CFAP54: variants seen among roughly 807,000 people sequenced by gnomAD.
The protein encoded by CFAP54 is cilia- and flagella-associated protein 54.
In CFAP54, 290 loss-of-function variants were observed where a neutral mutation model predicts 370.4. The observed-to-expected ratio is 0.78, with a 90% confidence interval of 0.71 to 0.86. The LOEUF (loss-of-function observed/expected upper bound fraction) is 0.86, where lower values mean the gene tolerates loss of function less well. Among genes scored for constraint, CFAP54 ranks in the 40% least tolerant of loss-of-function variants. The pLI is 0.00. For synonymous variants in CFAP54, 1,206 were observed against 1,236.5 expected (o/e 0.98, Z 0.52); for missense variants, 3,399 against 3,528.7 (o/e 0.96, Z 0.93).
At chr12:96,871,479 G>A (rs1347168856) in intron 67 of CFAP54, among the ~76,000 whole-genome samples, 1 of 152,128 alleles carries the variant, frequency 6.6e-6, no homozygotes. Flanking sequence ...ACTCAACGAC[G>A]TTGCCCACAA....
intron 46 of CFAP54, among the ~76,000 whole-genome samples, chr12:96,704,215 C>A (rs1957520966): frequency 6.6e-6 from 1 of 151,756 alleles, no homozygotes; most frequent in African/African-American, 2.4e-5. Context: ...ATCACGAGGT[C>A]AGGATATCAA....
chr12:96,705,967 C>A (rs1340025931), intron 47 of CFAP54, among the ~76,000 whole-genome samples: 1 of 151,746 alleles, frequency 6.6e-6, no homozygotes, highest in Non-Finnish European at 1.5e-5. Flanking sequence ...TTACGTAAGG[C>A]AAATAGTTTC....
At chr12:96,638,785 C>T (rs542048077) in intron 32 of CFAP54, among the ~76,000 whole-genome samples, 7 of 152,156 alleles carry the variant, frequency 4.6e-5, no homozygotes, top group African/African-American at 1.7e-4. Context: ...CCTTTTTCTT[C>T]CTTATTGTTC....
At chr12:96,518,053 G>A (rs188373625) in intron 5 of CFAP54, among the ~76,000 whole-genome samples, 66 of 152,248 alleles carry the variant, frequency 4.3e-4, no homozygotes, top group African/African-American at 1.5e-3. Flanking sequence ...TGTCATGTAC[G>A]TTGTCACTTT....
chr12:96,745,583 C>G lies in CFAP54; in HGVS notation c.7684+1437C>G, dbSNP rs55926231. 2.4e-3 allele frequency among the ~76,000 whole-genome samples: 364 copies of G among 151,842 alleles called. 2 individuals are homozygous for G. The highest frequency in any genetic ancestry group is 8.6e-3 in the African/African-American group (356 of 41,354). On this transcript the variant is annotated intron_variant, in intron 55 of 67. Coordinates refer to ENST00000524981, the MANE Select transcript of CFAP54 (RefSeq NM_001306084.2). ...TATACTCTGAATATTAGACCTTTGTCAGATGGGTAGATTGCAAAGATTTTC... is the reference window on the plus strand; with the variant it reads ...TATACTCTGAATATTAGACCTTTGTGAGATGGGTAGATTGCAAAGATTTTC...
At chr12:96,760,578 A>C (rs528917455) in intron 58 of CFAP54, among the ~76,000 whole-genome samples, 1 of 152,274 alleles carries the variant, frequency 6.6e-6, no homozygotes, top group Non-Finnish European at 1.5e-5. Context: ...TGATGCCTAG[A>C]CTGGAGTGCA....
chr12:96,623,564 C>T (rs544943435), intron 27 of CFAP54, among the ~76,000 whole-genome samples: 5 of 152,128 alleles, frequency 3.3e-5, no homozygotes, highest in African/African-American at 4.8e-5. Context: ...GGTCAATCTC[C>T]GTGAAACACA....
intron 60 of CFAP54, among the ~76,000 whole-genome samples, chr12:96,771,029 T>C (rs1189134783): frequency 3.3e-5 from 5 of 152,228 alleles, no homozygotes; most frequent in Non-Finnish European, 7.3e-5. Flanking sequence ...GGGTAAATAG[T>C]ACAAAAATTG....
Position 96,550,744 on chromosome 12 carries a change from T to C in CFAP54, c.2154+2766T>C, listed in dbSNP as rs541356508. Among the ~76,000 whole-genome samples the C allele has an allele frequency of 5.3e-5, 8 of 152,262 alleles. No homozygotes were observed. The East Asian group carries it at 1.5e-3, about 29-fold the overall frequency. On this transcript the variant is annotated intron_variant, in intron 15 of 67. Coordinates refer to ENST00000524981, the MANE Select transcript of CFAP54 (RefSeq NM_001306084.2). The stretch of plus-strand genomic sequence containing the variant: ...AGAGCTCATGAGAAAGTTGGGTAAA[T>C]CCCAGGGGCCAAAATAGAAAAGGGA...
chr12:96,523,949 G>A (rs776736094), intron 8 of CFAP54, among the ~76,000 whole-genome samples: 9 of 150,804 alleles, frequency 6.0e-5, no homozygotes, highest in Non-Finnish European at 1.2e-4. Context: ...AATTGTAATT[G>A]TTTAGTGAGT....
At chr12:96,518,827 C>A in intron 5 of CFAP54, 101 bp from the exon 6 acceptor site, 1 of 1,100,360 alleles carries the variant, frequency 9.1e-7, no homozygotes. Flanking sequence ...TTTGAGTAAT[C>A]AGCAACTTGT....
At chr12:96,631,666 A>G (rs1956609385) in intron 32 of CFAP54, among the ~76,000 whole-genome samples, 1 of 149,896 alleles carries the variant, frequency 6.7e-6, no homozygotes, top group African/African-American at 2.4e-5. Flanking sequence ...TACTACACAT[A>G]AATATAAATA....
chr12:96,768,903 A>G (rs778454647), intron 60 of CFAP54, among the ~76,000 whole-genome samples: 1 of 152,184 alleles, frequency 6.6e-6, no homozygotes, highest in Non-Finnish European at 1.5e-5. Flanking sequence ...CAACAGAGCA[A>G]TTGATGACAG....
In CFAP54 at chr12:96,739,993, G is replaced by A; in HGVS notation, c.7003G>A (p.Asp2335Asn). Residue 2335 changes from aspartate to asparagine, a missense_variant, in exon 51 of 68, where the codon GAT becomes AAT. Physicochemically the swap from Asp to Asn is conservative, Grantham distance 23. This residue lies in a region of CFAP54 where 2,796 missense variants were observed against 2,869.7 expected (regional missense o/e 0.97). Transcript: ENST00000524981. ...ATTTTCTACACTTACACTTCTCCAGGATTCAAAACTTTTTGAAAAGAAGGT... is the reference window on the plus strand; with the variant it reads ...ATTTTCTACACTTACACTTCTCCAGAATTCAAAACTTTTTGAAAAGAAGGT... ...IVFSTLTLLQ[D>N]SKLFEKKVVQ... 6.2e-7 allele frequency: 1 copy of A among 1,603,596 alleles called. No individual in the cohort carries two copies. The highest frequency in any genetic ancestry group is 8.5e-7 in the Non-Finnish European group (1 of 1,172,826).
chr12:96,509,861 T>C (rs1565879255), intron 4 of CFAP54, among the ~76,000 whole-genome samples: 1 of 151,730 alleles, frequency 6.6e-6, no homozygotes, highest in African/African-American at 2.4e-5. Context: ...AAGTAATACC[T>C]TACTTTTCAA....
At chr12:96,524,096 T>C (rs1248439008) in intron 8 of CFAP54, among the ~76,000 whole-genome samples, 1 of 152,176 alleles carries the variant, frequency 6.6e-6, no homozygotes, top group Non-Finnish European at 1.5e-5. Context: ...CAATATGCAT[T>C]GAACATATTT....
chr12:96,603,034 A>T (rs1093234), intron 26 of CFAP54, among the ~76,000 whole-genome samples: 1 of 152,060 alleles, frequency 6.6e-6, no homozygotes, highest in Admixed American at 6.6e-5. Context: ...GTTAATTGAT[A>T]CACTTTCTTC....
At chr12:96,794,957 T>C (rs559577776) in intron 63 of CFAP54, among the ~76,000 whole-genome samples, 1 of 152,320 alleles carries the variant, frequency 6.6e-6, no homozygotes, top group East Asian at 1.9e-4. Flanking sequence ...TTCTCCCCCT[T>C]CCCCTAGGGA....
chr12:96,635,824 A>T (rs150418521), intron 32 of CFAP54, among the ~76,000 whole-genome samples: 182 of 152,352 alleles, frequency 1.2e-3, no homozygotes, highest in African/African-American at 4.2e-3. Flanking sequence ...CCGCATCAGA[A>T]GGTACATACC....
Sources: gnomAD v4.1 joint callset for allele counts (sites outside exome capture counted in the v4.1 genomes callset) on GRCh38, gnomAD v4.1.1 for gene constraint, gnomAD v4.1.1 regional missense constraint, MANE v1.5 for transcripts, NCBI Gene and HGNC (gene_info 2026-07-23, HGNC 2026-07-21) for gene names.